Variants in C9orf72 observed in about 807,000 individuals in gnomAD.
C9orf72 encodes the protein C9orf72-SMCR8 complex subunit.
In C9orf72, 44 loss-of-function variants were observed where a neutral mutation model predicts 51.6. That is an observed-to-expected ratio of 0.85 (90% confidence interval 0.67 to 1.10). The LOEUF is 1.10. Ranked by LOEUF, C9orf72 falls within the 50% of genes least tolerant of loss-of-function variation. The pLI, the probability that C9orf72 is intolerant of heterozygous loss-of-function variation, is 0.00. For synonymous variants in C9orf72, 213 were observed against 194.2 expected (o/e 1.10, Z -0.81); for missense variants, 607 against 570.6 (o/e 1.06, Z -0.65).
chr9:27,573,212 C>T (rs1819628840), intron 1 of C9orf72, among the ~76,000 whole-genome samples: 1 of 151,266 alleles, frequency 6.6e-6, no homozygotes, highest in African/African-American at 2.4e-5. Context: ...GTCCCTGCGC[C>T]GCCGCCGCCG....
Position 27,548,183 on chromosome 9 carries a change from C to A in C9orf72, c.*53G>T. On this transcript the variant is annotated 3_prime_UTR_variant, in exon 11 of 11. Coordinates refer to ENST00000380003, the MANE Select transcript of C9orf72 (RefSeq NM_018325.5). Reference sequence around the variant, plus strand: ...GGGAACGTTTCCCCACACCACTGAGCTACTTTACCAGCGATCATGATTGTG... The same window carrying A: ...GGGAACGTTTCCCCACACCACTGAGATACTTTACCAGCGATCATGATTGTG... 7.1e-7 allele frequency: 1 copy of A among 1,399,572 alleles called. No homozygotes were observed. The highest frequency in any genetic ancestry group is 9.8e-7 in the Non-Finnish European group (1 of 1,015,732). The allele number at this position is 1,399,572 out of a possible 1,614,324, so 86.7% of individuals were successfully genotyped here.
In C9orf72 at chr9:27,562,486, A is replaced by G; in HGVS notation, c.505-10T>C. ...GAATAATACTCTGACCCTGCACAAT[A>G]AAGTGACATGAAGTGAAGAAAATCA... On this transcript the variant is annotated splice_polypyrimidine_tract_variant and intron_variant, in intron 3 of 10. Transcript: ENST00000380003. The G allele has an allele frequency of 6.9e-7, 1 of 1,459,806 alleles. No individual in the cohort carries two copies. The highest frequency in any genetic ancestry group is 9.3e-7 in the Non-Finnish European group (1 of 1,075,242). The allele number at this position is 1,459,806 out of a possible 1,614,324, so 90.4% of individuals were successfully genotyped here.
chr9:27,548,435 GAAAAAAA>G lies in C9orf72; in HGVS notation c.1260-20_1260-14del, dbSNP rs11292923. 433 of 174,502 alleles carry G rather than the reference GAAAAAAA, an allele frequency of 2.5e-3. No homozygotes were observed. The highest frequency in any genetic ancestry group is 4.3e-3 in the East Asian group (64 of 14,834). 10.8% of individuals were successfully genotyped at this position (174,502 alleles called of 1,614,324 possible). ...TTTTCCCTTCTGCCTAAAAATAATG[GAAAAAAA>G]AAAAAAAAAAAAAAAAAAAGAAGCG... On this transcript the variant is annotated splice_polypyrimidine_tract_variant and intron_variant, in intron 10 of 10. Coordinates refer to ENST00000380003, the MANE Select transcript of C9orf72 (RefSeq NM_018325.5).
chr9:27,556,662 T>A lies in C9orf72; in HGVS notation c.990A>T (p.Arg330Ser), dbSNP rs538012382. 2 of 1,613,974 alleles carry A rather than the reference T, an allele frequency of 1.2e-6. No homozygotes were observed. Among genetic ancestry groups the A allele is most frequent in the East Asian group, 4.5e-5 (2 of 44,868 alleles). Residue 330 changes from arginine (R) to serine (S), a missense_variant, in exon 8 of 11, where the codon AGA (arginine) becomes AGT (serine). Coordinates refer to ENST00000380003, the MANE Select transcript of C9orf72 (RefSeq NM_018325.5). ...AGGCTGTCAGCTCGGATCTCATGTA[T>A]CTACGCTGATTATAAATATGTTCAT... ...PCHEHIYNQR[R>S]YMRSELTAFW...
chr9:27,555,342 C>T (rs1820987215), intron 8 of C9orf72, among the ~76,000 whole-genome samples: 1 of 152,094 alleles, frequency 6.6e-6, no homozygotes, highest in African/African-American at 2.4e-5. Flanking sequence ...GGCTGGGGGT[C>T]CCTTGAACAA....
chr9:27,570,056 G>C (rs568260335), intron 1 of C9orf72, among the ~76,000 whole-genome samples: 1 of 152,270 alleles, frequency 6.6e-6, no homozygotes, highest in Non-Finnish European at 1.5e-5. Flanking sequence ...TGAACACAAC[G>C]ACAGTTTTAA....
intron 10 of C9orf72, 30 bp from the exon 11 acceptor site, chr9:27,548,452 A>AAAAAAAAAAAAAAAAAAAC: frequency 7.0e-7 from 1 of 1,420,292 alleles, no homozygotes; most frequent in South Asian, 1.3e-5. Context: ...AAAAAAAAAA[A>AAAAAAAAAAAAAAAAAAAC]AAAAAAAAAG....
At chr9:27,548,757 C>T (rs1393070815) in intron 9 of C9orf72, 91 bp from the exon 10 acceptor site, 1 of 711,474 alleles carries the variant, frequency 1.4e-6, no homozygotes, top group Non-Finnish European at 2.5e-6. Context: ...GCTTGGCAGA[C>T]AATACACACT....
At chr9:27,550,621 ACT>A in intron 9 of C9orf72, 27 bp downstream of exon 9, 6 of 1,402,892 alleles carry the variant, frequency 4.3e-6, no homozygotes, top group Non-Finnish European at 5.0e-6. Context: ...CATATCATTC[ACT>A]CTGACAATCT....
Position 27,546,689 on chromosome 9 carries a change from A to C in C9orf72, c.*1547T>G, listed in dbSNP as rs1254939051. On this transcript the variant is annotated 3_prime_UTR_variant, in exon 11 of 11. Transcript: ENST00000380003. ...AATAAACCAGCCAAAGAAAATAACC[A>C]GTTAGCACTTAAATAAGAATCTACC... 1 of 152,236 alleles carries C rather than the reference A, an allele frequency of 6.6e-6. No individual in the cohort carries two copies. The highest frequency in any genetic ancestry group is 6.5e-5 in the Admixed American group (1 of 15,282). 9.4% of individuals were successfully genotyped at this position (152,236 alleles called of 1,614,324 possible). A position where few individuals can be genotyped will look rare whatever the true frequency, so the allele number is the denominator to read the frequency against.
intron 1 of C9orf72, among the ~76,000 whole-genome samples, chr9:27,572,392 T>C (rs1819606607): frequency 6.6e-6 from 1 of 152,178 alleles, no homozygotes; most frequent in Admixed American, 6.5e-5. Flanking sequence ...ATGATAGTCT[T>C]GTTTCTGTGA....
intron 3 of C9orf72, 60 bp from the exon 4 acceptor site, chr9:27,562,536 T>TA (rs1475947247): frequency 6.6e-6 from 5 of 759,696 alleles, no homozygotes; most frequent in African/African-American, 5.5e-5. Context: ...AGCTGGGCAA[T>TA]AAAAAATAAA....
At chr9:27,560,451 T>C (rs1462306383) in intron 5 of C9orf72, 152 bp from the exon 6 acceptor site, 3 of 630,664 alleles carry the variant, frequency 4.8e-6, no homozygotes, top group Non-Finnish European at 7.5e-6. Flanking sequence ...CTTTTATTTG[T>C]ATAGGAACCT....
At chr9:27,558,228 T>G (rs921952038) in intron 7 of C9orf72, among the ~76,000 whole-genome samples, 18 of 144,890 alleles carry the variant, frequency 1.2e-4, no homozygotes, top group Non-Finnish European at 2.0e-4. Context: ...AAGCATGTGT[T>G]AAAAAAAAAA....
At chr9:27,558,660 T>C (rs563678519) in intron 6 of C9orf72, 53 bp from the exon 7 acceptor site, 3 of 904,918 alleles carry the variant, frequency 3.3e-6, no homozygotes, top group South Asian at 1.5e-5. Context: ...GACCACTGAT[T>C]TGCTTATGAA....
chr9:27,567,186 CA>C (rs1310840572), intron 1 of C9orf72, 22 bp from the exon 2 acceptor site: 14 of 1,347,248 alleles, frequency 1.0e-5, no homozygotes, highest in Non-Finnish European at 1.4e-5. Flanking sequence ...CATATGAAAC[CA>C]ATGATTAGGT....
At chr9:27,572,313 A>C (rs73643419) in intron 1 of C9orf72, among the ~76,000 whole-genome samples, 3,201 of 152,278 alleles carry the variant, frequency 0.021, 122 homozygotes, top group African/African-American at 0.072. Context: ...AGAGGTGGTG[A>C]CAACAATGCC....
rs955514066 is a variant in C9orf72, at chr9:27,567,177, A to C, written c.-44-13T>G. 7.2e-7 allele frequency: 1 copy of C among 1,396,380 alleles called. No individual in the cohort carries two copies. Among genetic ancestry groups the C allele is most frequent in the Non-Finnish European group, 9.9e-7 (1 of 1,005,260 alleles). The allele number at this position is 1,396,380 out of a possible 1,614,324, so 86.5% of individuals were successfully genotyped here. ...GCTCCGGAGATATCTAAACAATGAC[A>C]TATGAAACCAATGATTAGGTTCAGC... is the stretch of plus-strand genomic sequence containing the variant. On this transcript the variant is annotated splice_polypyrimidine_tract_variant and intron_variant, in intron 1 of 10. Transcript: ENST00000380003.
At position 27,567,121 on chromosome 9, in the gene C9orf72, C is replaced by T. The variant is rs1819487341; in HGVS notation, c.-1G>A. ...ATGGCGGTGGGCAAAGAGTCGACAT[C>T]ACTGCATTCCAACTGTCACATTATC... is the stretch of plus-strand genomic sequence containing the variant. On this transcript the variant is annotated 5_prime_UTR_variant, in exon 2 of 11. Coordinates refer to ENST00000380003, the MANE Select transcript of C9orf72 (RefSeq NM_018325.5). 1 of 1,610,662 alleles carries T rather than the reference C, an allele frequency of 6.2e-7. No individual in the cohort carries two copies. Among genetic ancestry groups the T allele is most frequent in the Non-Finnish European group, 8.5e-7 (1 of 1,177,800 alleles).
Sources: allele counts gnomAD v4.1 joint callset (sites outside exome capture counted in the v4.1 genomes callset), GRCh38; gene constraint gnomAD v4.1.1; transcripts MANE v1.5; gene names NCBI Gene and HGNC (gene_info 2026-07-23, HGNC 2026-07-21).